Variants in PNPLA6 observed in about 807,000 individuals in gnomAD.
PNPLA6 encodes the protein patatin like domain 6, lysophospholipase, also known as patatin-like phospholipase domain-containing protein 6.
A neutral mutation model predicts 153.7 loss-of-function variants in PNPLA6; 105 were observed. The observed-to-expected ratio is 0.68, with a 90% confidence interval of 0.58 to 0.80. The LOEUF is 0.80. Ranked by LOEUF, PNPLA6 falls within the 30% of genes least tolerant of loss-of-function variation. The pLI is 0.00. For missense variants in PNPLA6, 1,423 were observed against 1,919.3 expected (o/e 0.74, Z 4.83); for synonymous variants, 825 against 822.2 (o/e 1.00, Z -0.06).
chr19:7,551,151 C>T (rs1224945252), intron 17 of PNPLA6, 44 bp downstream of exon 17: 2 of 732,446 alleles, frequency 2.7e-6, no homozygotes. Flanking sequence ...AGGCGGGACT[C>T]CGGGGGGGTG....
chr19:7,549,823 A>C (rs1166942485), intron 13 of PNPLA6, 84 bp from the exon 14 acceptor site: 3 of 1,357,784 alleles, frequency 2.2e-6, no homozygotes, highest in South Asian at 2.4e-5. Flanking sequence ...TTCTTCTTTA[A>C]TTTTTTCCTG....
chr19:7,540,775 A>G lies in PNPLA6; in HGVS notation c.795+65A>G, dbSNP rs1257643925. On this transcript the variant is annotated intron_variant, in intron 6 of 31. Coordinates refer to ENST00000600737, the MANE Select transcript of PNPLA6 (RefSeq NM_001166114.2). The surrounding 1 kb of genome is among the most constrained non-coding windows in gnomAD (Gnocchi z 6.8). ...AGGTCCCACCCAAGGGACTAGGTTG[A>G]AGGAAATCACAGGGTCCCCAATCTC... 7 of 1,547,418 alleles carry G rather than the reference A, an allele frequency of 4.5e-6. No individual in the cohort carries two copies. Among genetic ancestry groups the G allele is most frequent in the Middle Eastern group, 1.7e-4 (1 of 5,918 alleles).
At chr19:7,549,260 C>A (rs1229654895) in intron 13 of PNPLA6, among the ~76,000 whole-genome samples, 1 of 148,942 alleles carries the variant, frequency 6.7e-6, no homozygotes, top group Non-Finnish European at 1.5e-5. Flanking sequence ...GATCTTGGCT[C>A]ATTGCAAGCT....
Position 7,540,238 on chromosome 19 carries a change from G to C in PNPLA6, c.644G>C (p.Arg215Pro). The C allele has an allele frequency of 6.2e-7, 1 of 1,609,340 alleles. No individual in the cohort carries two copies. Among genetic ancestry groups the C allele is most frequent in the Non-Finnish European group, 8.5e-7 (1 of 1,180,008 alleles). The change falls in exon 5 of 32, where the codon CGG becomes CCG. Residue 215 changes from arginine to proline, a missense_variant. Arg to Pro is a moderately radical substitution (Grantham distance 103). This residue lies in a region of PNPLA6 where 118 missense variants were observed against 158.8 expected (regional missense o/e 0.74). Transcript: ENST00000600737. This position sits in a 1 kb window ranked among gnomAD's most constrained non-coding sequence, Gnocchi z 6.8. ...QRLGQGDYVF[R>P]PGQPDASIYV... Reference sequence around the variant, plus strand: ...CTGGGCCAGGGTGACTACGTCTTCCGGCCGGGCCAGCCAGATGCCAGCATC... The same window carrying C: ...CTGGGCCAGGGTGACTACGTCTTCCCGCCGGGCCAGCCAGATGCCAGCATC...
intron 3 of PNPLA6, among the ~76,000 whole-genome samples, chr19:7,538,224 G>C (rs2022965721): frequency 6.6e-6 from 1 of 152,062 alleles, no homozygotes. Flanking sequence ...TTGTTGTTGA[G>C]GCTAGAGTGC....
rs753210940 is a variant in PNPLA6 at position 7,541,498 on chromosome 19, C to A, written c.1006-24C>A. ...GGCGAGGTCTCCCTCCCAGGACAGG[C>A]CACAAGCTGTTCTCTGCCCCCAGGA... On this transcript the variant is annotated intron_variant, in intron 8 of 31. Transcript: ENST00000600737. The surrounding 1 kb of genome is among the most constrained non-coding windows in gnomAD (Gnocchi z 5.2). The A allele has an allele frequency of 1.9e-6, 3 of 1,611,860 alleles. No homozygotes were observed. The highest frequency in any genetic ancestry group is 1.7e-5 in the Admixed American group (1 of 59,782).
At chr19:7,552,575 G>A (rs2023698339) in intron 18 of PNPLA6, among the ~76,000 whole-genome samples, 1 of 151,998 alleles carries the variant, frequency 6.6e-6, no homozygotes. Flanking sequence ...GGCCAACGTG[G>A]TGAAACTCAT....
At position 7,542,923 on chromosome 19, in the gene PNPLA6, A is replaced by G; in HGVS notation, c.1525A>G (p.Ile509Val). 6.2e-7 allele frequency: 1 copy of G among 1,613,686 alleles called. No individual in the cohort carries two copies. The stretch of plus-strand genomic sequence containing the variant: ...GCAGGAGCTGGCCAAGCTGATGCGG[A>G]TTGAGGTGGGCAGCCGAGGGGAGCT... ...AKQELAKLMR[I>V]EDPSLLNSRV... Residue 509 changes from isoleucine (I) to valine (V), a missense_variant, in exon 12 of 32, where the codon ATT (isoleucine) becomes GTT (valine). Transcript: ENST00000600737.
At chr19:7,546,392 G>T (rs2023387411) in intron 13 of PNPLA6, among the ~76,000 whole-genome samples, 1 of 152,250 alleles carries the variant, frequency 6.6e-6, no homozygotes, top group South Asian at 2.1e-4. Flanking sequence ...ACTTTGGAAG[G>T]CCGCGGCGGG....
chr19:7,539,775 A>G, intron 3 of PNPLA6, 143 bp from the exon 4 acceptor site: 1 of 608,766 alleles, frequency 1.6e-6, no homozygotes. Context: ...AAAAAAAAAA[A>G]AAAAAGGTGG....
chr19:7,545,864 C>G (rs966033201), intron 13 of PNPLA6, among the ~76,000 whole-genome samples: 2 of 147,608 alleles, frequency 1.4e-5, no homozygotes, highest in African/African-American at 5.0e-5. Flanking sequence ...GAGCTGAGAT[C>G]GCACCCCTGC....
Position 7,539,907 on chromosome 19 carries a change from C to A in PNPLA6, c.414-11C>A. 1 of 1,536,780 alleles carries A rather than the reference C, an allele frequency of 6.5e-7. No homozygotes were observed. ...CCCCCCTCACCCCCGGCACCCCTCC[C>A]CTCCCACCAGGATCCTGCGCATCCA... On this transcript the variant is annotated splice_polypyrimidine_tract_variant and intron_variant, in intron 3 of 31. Transcript: ENST00000600737.
rs2023817126 is a variant in PNPLA6 at position 7,555,162 on chromosome 19, G to A, written c.2817+87G>A. On this transcript the variant is annotated intron_variant, in intron 22 of 31. Transcript: ENST00000600737. This position sits in a 1 kb window ranked among gnomAD's most constrained non-coding sequence, Gnocchi z 6.3. ...TGGGGCGGGGCCTGGGAGGGCTGAG[G>A]ACAGGCTCGAAGGTCAGGGTACCCC... 2 of 1,537,816 alleles carry A rather than the reference G, an allele frequency of 1.3e-6. No homozygotes were observed. The highest frequency in any genetic ancestry group is 1.4e-5 in the African/African-American group (1 of 73,654).
At position 7,541,907 on chromosome 19, in the gene PNPLA6, G is replaced by T. The variant is rs1312480325; in HGVS notation, c.1169-77G>T. 5.3e-6 allele frequency: 7 copies of T among 1,313,762 alleles called. No homozygotes were observed. The highest frequency in any genetic ancestry group is 5.5e-6 in the Non-Finnish European group (5 of 916,824). The allele number at this position is 1,313,762 out of a possible 1,614,324, so 81.4% of individuals were successfully genotyped here. ...GCTTTAACTAGTTAATCAGTCGCCA[G>T]CATCTCCTTATCTCCCAACCTGCTA... is the stretch of plus-strand genomic sequence containing the variant. On this transcript the variant is annotated intron_variant, in intron 9 of 31. Coordinates refer to ENST00000600737, the MANE Select transcript of PNPLA6 (RefSeq NM_001166114.2). This position sits in a 1 kb window ranked among gnomAD's most constrained non-coding sequence, Gnocchi z 5.2.
In PNPLA6 at chr19:7,555,371, AGGGCGGGGCTTGCTCTCTGG is replaced by A. The variant is rs1424091251; in HGVS notation, c.2936+14_2936+33del. On this transcript the variant is annotated splice_donor_5th_base_variant and intron_variant, in intron 23 of 31. Transcript: ENST00000600737. The surrounding 1 kb of genome is among the most constrained non-coding windows in gnomAD (Gnocchi z 6.3). Reference sequence around the variant, plus strand: ...TGCTAGGCGGGGGCGGGGCCAGGTGAGGGCGGGGCTTGCTCTCTGGGGGCGGGGCCTGGATGTCCGAGGGT... The same window carrying A: ...TGCTAGGCGGGGGCGGGGCCAGGTGAGGGCGGGGCCTGGATGTCCGAGGGT... The A allele has an allele frequency of 8.8e-6, 9 of 1,025,118 alleles. No individual in the cohort carries two copies. The highest frequency in any genetic ancestry group is 1.2e-5 in the Non-Finnish European group (9 of 729,502). 63.5% of individuals were successfully genotyped at this position (1,025,118 alleles called of 1,614,324 possible). A position where few individuals can be genotyped will look rare whatever the true frequency, so the allele number is the denominator to read the frequency against.
rs2023098516 is a variant in PNPLA6 at position 7,540,800 on chromosome 19, C to T, written c.795+90C>T. The T allele has an allele frequency of 1.0e-5, 16 of 1,553,578 alleles. No individual in the cohort carries two copies. The South Asian group carries it at 1.7e-4, about 16-fold the overall frequency. ...AAGGAAATCACAGGGTCCCCAATCTCTGGTTCATCCGTTATGCTGCCGATG... is the reference window on the plus strand; with the variant it reads ...AAGGAAATCACAGGGTCCCCAATCTTTGGTTCATCCGTTATGCTGCCGATG... On this transcript the variant is annotated intron_variant, in intron 6 of 31. Coordinates refer to ENST00000600737, the MANE Select transcript of PNPLA6 (RefSeq NM_001166114.2). The surrounding 1 kb of genome is among the most constrained non-coding windows in gnomAD (Gnocchi z 6.8).
Position 7,540,372 on chromosome 19 carries a change from G to A in PNPLA6, c.714+64G>A. On this transcript the variant is annotated intron_variant, in intron 5 of 31. Coordinates refer to ENST00000600737, the MANE Select transcript of PNPLA6 (RefSeq NM_001166114.2). This position sits in a 1 kb window ranked among gnomAD's most constrained non-coding sequence, Gnocchi z 6.8. ...GTGGTGGGGATGGGCAGCAGGCATT[G>A]GTCTGTAGAGCTGGTGGTCTTTGGA... The A allele has an allele frequency of 6.6e-7, 1 of 1,523,632 alleles. No individual in the cohort carries two copies. Among genetic ancestry groups the A allele is most frequent in the Non-Finnish European group, 8.9e-7 (1 of 1,127,898 alleles). The allele number at this position is 1,523,632 out of a possible 1,614,324, so 94.4% of individuals were successfully genotyped here.
In PNPLA6 at chr19:7,541,491, G is replaced by A. The variant is rs1469269219; in HGVS notation, c.1006-31G>A. On this transcript the variant is annotated intron_variant, in intron 8 of 31. Transcript: ENST00000600737. The surrounding 1 kb of genome is among the most constrained non-coding windows in gnomAD (Gnocchi z 5.2). ...GGATGGGGGCGAGGTCTCCCTCCCA[G>A]GACAGGCCACAAGCTGTTCTCTGCC... 1 of 1,612,222 alleles carries A rather than the reference G, an allele frequency of 6.2e-7. No homozygotes were observed. Among genetic ancestry groups the A allele is most frequent in the Middle Eastern group, 1.7e-4 (1 of 6,056 alleles).
intron 17 of PNPLA6, 113 bp from the exon 18 acceptor site, chr19:7,551,249 G>C (rs966656167): frequency 1.7e-6 from 2 of 1,175,042 alleles, no homozygotes; most frequent in Admixed American, 1.9e-5. Flanking sequence ...GGGGGCTCTC[G>C]GGGGTGGGAC....
Sources: gnomAD v4.1 joint callset for allele counts (sites outside exome capture counted in the v4.1 genomes callset) on GRCh38, gnomAD v4.1.1 for gene constraint, gnomAD v4.1.1 regional missense constraint, Gnocchi (gnomAD v3.1) non-coding constraint, MANE v1.5 for transcripts, NCBI Gene and HGNC (gene_info 2026-07-23, HGNC 2026-07-21) for gene names.